The following POLA1 variants were observed in gnomAD, a reference collection of about 807,000 sequenced individuals.
The protein encoded by POLA1 is DNA polymerase alpha 1, catalytic subunit, also known as DNA polymerase alpha catalytic subunit.
In POLA1, 15 loss-of-function variants were observed where a neutral mutation model predicts 124.0. The ratio of observed to expected loss-of-function variants is 0.12; its 90% CI spans 0.08 to 0.19. POLA1 has a LOEUF of 0.19. Among genes scored for constraint, POLA1 ranks in the 10% least tolerant of loss-of-function variants. The pLI, the probability that POLA1 is intolerant of heterozygous loss-of-function variation, is 1.00. For missense variants in POLA1, 886 were observed against 1,103.4 expected, an observed-to-expected ratio of 0.80 and a Z score of 2.79; for synonymous variants, 408 against 389.4, an observed-to-expected ratio of 1.05 and a Z score of -0.56.
intron 34 of POLA1, among the ~76,000 whole-genome samples, chrX:24,859,169 A>T (rs1312985211): frequency 8.9e-6 from 1 of 111,792 alleles, no homozygotes; most frequent in Non-Finnish European, 1.9e-5. Flanking sequence ...TCTTTGTATC[A>T]GTCCATTCTC....
intron 36 of POLA1, among the ~76,000 whole-genome samples, chrX:24,941,759 A>G (rs1286133967): frequency 8.9e-6 from 1 of 112,057 alleles, no homozygotes; most frequent in Admixed American, 9.5e-5. Context: ...ATTGAGTTAA[A>G]TCAACACTGA....
At chrX:24,885,760 G>A (rs1401286768) in intron 34 of POLA1, among the ~76,000 whole-genome samples, 3 of 111,762 alleles carry the variant, frequency 2.7e-5, no homozygotes, top group East Asian at 2.8e-4. Flanking sequence ...TCCTGACCTC[G>A]TGATCTGCCC....
chrX:24,980,203 C>A (rs940035935), intron 36 of POLA1, among the ~76,000 whole-genome samples: 1 of 111,499 alleles, frequency 9.0e-6, no homozygotes, highest in East Asian at 2.8e-4. Flanking sequence ...ATTCAGGTGA[C>A]GACTATGCAT....
At chrX:24,988,334 G>GC (rs1343902358) in intron 36 of POLA1, among the ~76,000 whole-genome samples, 1 of 112,603 alleles carries the variant, frequency 8.9e-6, no homozygotes, top group Non-Finnish European at 1.9e-5. Flanking sequence ...TAATCCGTCA[G>GC]CCTGTGCATT....
intron 15 of POLA1, among the ~76,000 whole-genome samples, chrX:24,730,115 T>C (rs1423556536): frequency 9.0e-6 from 1 of 111,294 alleles, no homozygotes; most frequent in African/African-American, 3.3e-5. Flanking sequence ...TAATAATAGT[T>C]AATACTGTAG....
At chrX:24,740,137 T>G (rs1307884573) in intron 20 of POLA1, among the ~76,000 whole-genome samples, 1 of 111,789 alleles carries the variant, frequency 8.9e-6, no homozygotes, top group Non-Finnish European at 1.9e-5. Flanking sequence ...CCCAGCTTGT[T>G]CAAAATTGAG....
chrX:24,821,410 GTTTTA>G, intron 30 of POLA1, 37 bp from the exon 31 acceptor site: 1 of 1,132,584 alleles, frequency 8.8e-7, no homozygotes, highest in Non-Finnish European at 1.2e-6. Context: ...TGTAAGAAGG[GTTTTA>G]TTTTAAGGCT....
intron 26 of POLA1, among the ~76,000 whole-genome samples, chrX:24,770,623 A>G (rs1306107697): frequency 9.0e-6 from 1 of 111,581 alleles, no homozygotes; most frequent in East Asian, 2.8e-4. Context: ...CTGTTTCTAC[A>G]TCCAGTAAAC....
chrX:24,847,847 T>C (rs1172940671), intron 34 of POLA1, among the ~76,000 whole-genome samples: 1 of 112,330 alleles, frequency 8.9e-6, no homozygotes, highest in African/African-American at 3.2e-5. Context: ...TGCTGTCAGA[T>C]TGGCGGAAGA....
intron 26 of POLA1, among the ~76,000 whole-genome samples, chrX:24,780,974 C>G (rs2045250408): frequency 8.9e-6 from 1 of 112,137 alleles, no homozygotes; most frequent in African/African-American, 3.2e-5. Context: ...ACTACAAATT[C>G]AATTTGTTTG....
intron 36 of POLA1, among the ~76,000 whole-genome samples, chrX:24,964,029 A>G (rs767868115): frequency 8.9e-6 from 1 of 111,758 alleles, no homozygotes; most frequent in Admixed American, 9.5e-5. Context: ...ATGCAGGCAC[A>G]ATCAAGGATC....
At chrX:24,707,333 A>G (rs969485447) in intron 4 of POLA1, among the ~76,000 whole-genome samples, 2 of 112,501 alleles carry the variant, frequency 1.8e-5, no homozygotes, top group African/African-American at 3.2e-5. Context: ...TGTCCTGGTA[A>G]TCTCAGTGCT....
chrX:24,904,033 C>T (rs2047322193), intron 35 of POLA1, among the ~76,000 whole-genome samples: 1 of 107,348 alleles, frequency 9.3e-6, no homozygotes. Flanking sequence ...CTCCTGGGCT[C>T]CAGTGTTCCT....
Position 24,703,353 on chromosome X carries a change from TGGGGCGGAGGTG to T in POLA1, c.265+14_265+25del. 3.9e-6 allele frequency: 4 copies of T among 1,015,973 alleles called. No individual in the cohort carries two copies. Among genetic ancestry groups the T allele is most frequent in the Non-Finnish European group, 5.5e-6 (4 of 732,688 alleles). 83.7% of individuals were successfully genotyped at this position (1,015,973 alleles called of 1,213,427 possible). ...TGACTGGATTGTGGATGATGGTAGG[TGGGGCGGAGGTG>T]GGGGCGGGGATGTTGCTTCCTAGGC... On this transcript the variant is annotated splice_region_variant and intron_variant, in intron 3 of 36. Transcript: ENST00000379068.
chrX:24,815,038 A>G lies in POLA1; in HGVS notation c.3356A>G (p.Gln1119Arg). ...QSRDTIVENI[Q>R]KRLIEIGENV... ...CGGGACACTATAGTGGAAAACATTC[A>G]GAAGAGGCTGATAGAAATTGGAGAA... The change falls in exon 30 of 37, where the codon CAG (glutamine) becomes CGG (arginine). Residue 1119 changes from glutamine (Q) to arginine (R), a missense_variant. By Grantham distance (43) the Gln-to-Arg change is conservative. Around this residue, in one of 7 missense-constraint regions of POLA1, gnomAD observed 313 missense variants for 359.7 expected, o/e 0.87. Transcript: ENST00000379068. 6.7e-6 allele frequency: 8 copies of G among 1,200,228 alleles called. No individual in the cohort carries two copies. Among genetic ancestry groups the G allele is most frequent in the Non-Finnish European group, 9.0e-6 (8 of 888,523 alleles).
chrX:24,819,550 A>G (rs905993996), intron 30 of POLA1, among the ~76,000 whole-genome samples: 3 of 111,994 alleles, frequency 2.7e-5, no homozygotes, highest in Non-Finnish European at 5.6e-5. Flanking sequence ...CCCTTGAGCA[A>G]TCTTTGTTTT....
intron 15 of POLA1, among the ~76,000 whole-genome samples, chrX:24,728,717 C>G (rs1930703284): frequency 8.9e-6 from 1 of 112,004 alleles, no homozygotes; most frequent in Non-Finnish European, 1.9e-5. Flanking sequence ...AATCAATTGT[C>G]TGTGAGCCAA....
chrX:24,725,441 G>T (rs1326590366), intron 12 of POLA1, among the ~76,000 whole-genome samples: 1 of 110,280 alleles, frequency 9.1e-6, no homozygotes, highest in East Asian at 2.8e-4. Context: ...CAAGTGATCC[G>T]CCCGCCTCGG....
chrX:24,995,089 G>T (rs1181017890), intron 36 of POLA1, among the ~76,000 whole-genome samples: 1 of 110,796 alleles, frequency 9.0e-6, no homozygotes, highest in African/African-American at 3.3e-5. Context: ...AAAACAACAT[G>T]TAGAAGTAGC....
Sources: gnomAD v4.1 joint callset for allele counts (sites outside exome capture counted in the v4.1 genomes callset) on GRCh38, gnomAD v4.1.1 for gene constraint, gnomAD v4.1.1 regional missense constraint, MANE v1.5 for transcripts, NCBI Gene and HGNC (gene_info 2026-07-23, HGNC 2026-07-21) for gene names.